Variants in DENND1A observed in about 807,000 individuals in gnomAD.
The protein encoded by DENND1A is DENN domain containing 1A.
A neutral mutation model predicts 113.7 loss-of-function variants in DENND1A; 51 were observed. The ratio of observed to expected loss-of-function variants is 0.45; its 90% CI spans 0.36 to 0.57. The LOEUF is 0.57. DENND1A is among the 20% of genes least tolerant of loss of function. The probability of loss-of-function intolerance (pLI) is 0.00; values close to 1 mark genes in which losing one functional copy is unlikely to be tolerated. For missense variants in DENND1A, 1,258 were observed against 1,395.9 expected (o/e 0.90, Z 1.57); for synonymous variants, 565 against 570.8 (o/e 0.99, Z 0.14).
At chr9:123,650,540 A>G (rs1396598981) in intron 9 of DENND1A, among the ~76,000 whole-genome samples, 1 of 152,200 alleles carries the variant, frequency 6.6e-6, no homozygotes, top group Non-Finnish European at 1.5e-5. Context: ...TTTTGTCTAC[A>G]AACAAAAACA....
At chr9:123,498,434 T>C (rs537491196) in intron 13 of DENND1A, among the ~76,000 whole-genome samples, 8 of 152,336 alleles carry the variant, frequency 5.3e-5, no homozygotes, top group African/African-American at 1.9e-4. Flanking sequence ...GCTGAGCTTG[T>C]CCAACATCAG....
chr9:123,826,239 CA>C (rs1204983816), intron 2 of DENND1A, among the ~76,000 whole-genome samples: 2 of 151,922 alleles, frequency 1.3e-5, no homozygotes, highest in Non-Finnish European at 1.5e-5. Context: ...CCTATCTCTA[CA>C]AAAAATACAA....
At chr9:123,880,762 T>C (rs768837174) in intron 1 of DENND1A, among the ~76,000 whole-genome samples, 19 of 152,310 alleles carry the variant, frequency 1.2e-4, no homozygotes, top group Non-Finnish European at 2.4e-4. Context: ...CCAGAACTCA[T>C]GCCTCCTGTT....
At chr9:123,398,911 C>CA (rs2043281273) in intron 21 of DENND1A, among the ~76,000 whole-genome samples, 1 of 151,726 alleles carries the variant, frequency 6.6e-6, no homozygotes, top group South Asian at 2.1e-4. Flanking sequence ...TCTCCTGCCT[C>CA]AGCCTCCCTA....
chr9:123,399,744 T>C (rs1464727702), intron 21 of DENND1A, among the ~76,000 whole-genome samples: 1 of 152,236 alleles, frequency 6.6e-6, no homozygotes, highest in Non-Finnish European at 1.5e-5. Context: ...GCTGTCTCTC[T>C]GGGCAAAGCC....
intron 5 of DENND1A, among the ~76,000 whole-genome samples, chr9:123,716,417 C>T (rs950551908): frequency 7.9e-5 from 12 of 152,068 alleles, no homozygotes; most frequent in African/African-American, 1.9e-4. Flanking sequence ...TTTAAAAGGA[C>T]GAAGGAGGGG....
At chr9:123,457,015 T>C (rs2048176706) in intron 15 of DENND1A, 1 of 223,466 alleles carries the variant, frequency 4.5e-6, no homozygotes, top group Non-Finnish European at 8.8e-6. Flanking sequence ...ACCAGGGTCT[T>C]GCAGCTTGTG....
chr9:123,509,860 A>T (rs551458462), intron 13 of DENND1A, among the ~76,000 whole-genome samples: 11 of 152,110 alleles, frequency 7.2e-5, no homozygotes, highest in Non-Finnish European at 1.6e-4. Flanking sequence ...ATCTCCACTG[A>T]CTGACTCATT....
At chr9:123,443,961 A>G (rs1320516614) in intron 18 of DENND1A, among the ~76,000 whole-genome samples, 2 of 152,064 alleles carry the variant, frequency 1.3e-5, no homozygotes, top group African/African-American at 4.8e-5. Context: ...TGTCTCAAGA[A>G]AAAAATAAGG....
chr9:123,809,508 A>G (rs537220158), intron 2 of DENND1A, among the ~76,000 whole-genome samples: 104 of 132,992 alleles, frequency 7.8e-4, no homozygotes, highest in African/African-American at 2.9e-3. Flanking sequence ...ATCAATGCCT[A>G]TAAGTATCCT....
rs990487324 is a variant in DENND1A at position 123,734,839 on chromosome 9, A to T, written c.302+22864T>A. On this transcript the variant is annotated intron_variant, in intron 5 of 23. Transcript: ENST00000394215. The stretch of plus-strand genomic sequence containing the variant: ...TCCCAAGAGAGGGCTTGGGAAAATA[A>T]TTTTTTTTATTTTTTAAAAAAAGCC... Among the ~76,000 whole-genome samples, 7 of 151,994 alleles carry T rather than the reference A, an allele frequency of 4.6e-5. No homozygotes were observed. The South Asian group carries it at 8.3e-4, about 18-fold the overall frequency.
At chr9:123,501,775 G>A (rs2052507085) in intron 13 of DENND1A, among the ~76,000 whole-genome samples, 1 of 152,204 alleles carries the variant, frequency 6.6e-6, no homozygotes, top group South Asian at 2.1e-4. Context: ...TGAATATAAA[G>A]CAGGCAGGAA....
chr9:123,566,450 C>A (rs531075357), intron 12 of DENND1A, among the ~76,000 whole-genome samples: 32 of 152,308 alleles, frequency 2.1e-4, no homozygotes, highest in African/African-American at 6.7e-4. Flanking sequence ...TCCCTCTCCC[C>A]TGACAACTTG....
chr9:123,408,769 C>T (rs2044082175), intron 20 of DENND1A, among the ~76,000 whole-genome samples: 1 of 152,160 alleles, frequency 6.6e-6, no homozygotes, highest in South Asian at 2.1e-4. Flanking sequence ...CCTCAGTTGC[C>T]AATGGATGTG....
intron 2 of DENND1A, among the ~76,000 whole-genome samples, chr9:123,870,940 T>C (rs564116636): frequency 1.3e-4 from 20 of 152,252 alleles, no homozygotes; most frequent in African/African-American, 4.8e-4. Context: ...TCAAGCTTGC[T>C]GTCATTCACT....
At chr9:123,700,966 T>C (rs2065849963) in intron 5 of DENND1A, among the ~76,000 whole-genome samples, 1 of 152,272 alleles carries the variant, frequency 6.6e-6, no homozygotes, top group African/African-American at 2.4e-5. Flanking sequence ...GATGCTATTA[T>C]AAAAGCTTCT....
intron 5 of DENND1A, among the ~76,000 whole-genome samples, chr9:123,731,028 G>A (rs10118838): frequency 0.11 from 17,144 of 152,020 alleles, 1,351 homozygotes; most frequent in African/African-American, 0.22. Context: ...AACACTGCAT[G>A]TTTTCACTCA....
At chr9:123,383,971 C>T (rs1319986113) in intron 22 of DENND1A, 58 bp from the exon 23 acceptor site, 8 of 1,564,422 alleles carry the variant, frequency 5.1e-6, no homozygotes, top group East Asian at 2.3e-5. Context: ...GAGGAGCAAG[C>T]GGACTCCAGC....
rs781496835 is a variant in DENND1A, at chr9:123,403,443, G to C, written c.1590C>G (p.Ile530Met). The part of the protein sequence containing the change: ...PHVVKRPKSN[I>M]AVEGRRTSVP... The stretch of plus-strand genomic sequence containing the variant: ...CAGACGTCCTCCGGCCTTCCACTGC[G>C]ATGTTGCTCTTTGGTCTCTTAACAA... The change falls in exon 21 of 24, where the codon ATC (isoleucine) becomes ATG (methionine). Residue 530 changes from isoleucine to methionine, a missense_variant. Coordinates refer to ENST00000394215, the MANE Select transcript of DENND1A (RefSeq NM_001352964.2). 6 of 1,614,176 alleles carry C rather than the reference G, an allele frequency of 3.7e-6. No homozygotes were observed. The highest frequency in any genetic ancestry group is 4.2e-6 in the Non-Finnish European group (5 of 1,180,034).
Sources: allele counts gnomAD v4.1 joint callset (sites outside exome capture counted in the v4.1 genomes callset), GRCh38; gene constraint gnomAD v4.1.1; transcripts MANE v1.5; gene names NCBI Gene and HGNC (gene_info 2026-07-23, HGNC 2026-07-21).